Variants in CACNB2 observed in about 807,000 individuals in gnomAD.
The protein encoded by CACNB2 is calcium voltage-gated channel auxiliary subunit beta 2, also known as voltage-dependent L-type calcium channel subunit beta-2.
In CACNB2, 42 loss-of-function variants were observed where a neutral mutation model predicts 73.3. The ratio of observed to expected loss-of-function variants is 0.57; its 90% confidence interval spans 0.45 to 0.74. CACNB2 has a LOEUF of 0.74. Ranked by LOEUF, CACNB2 falls within the 30% of genes least tolerant of loss-of-function variation. The pLI is 0.00. For synonymous variants in CACNB2, 348 were observed against 310.3 expected, an observed-to-expected ratio of 1.12 and a Z score of -1.28; for missense variants, 940 against 853.0, an observed-to-expected ratio of 1.10 and a Z score of -1.27.
intron 3 of CACNB2, among the ~76,000 whole-genome samples, chr10:18,495,607 C>G (rs955452810): frequency 3.5e-5 from 5 of 143,156 alleles, no homozygotes; most frequent in African/African-American, 1.4e-4. Context: ...GAGATGAGGT[C>G]TCACTTTGTT....
intron 3 of CACNB2, among the ~76,000 whole-genome samples, chr10:18,415,223 G>C (rs1283125342): frequency 6.6e-6 from 1 of 152,128 alleles, no homozygotes; most frequent in African/African-American, 2.4e-5. Context: ...TCAGCACTTC[G>C]AGAGGCTGAG....
At chr10:18,229,141 T>A (rs80255463) in intron 2 of CACNB2, among the ~76,000 whole-genome samples, 12,139 of 152,288 alleles carry the variant, frequency 0.08, 501 homozygotes, top group East Asian at 0.092. Context: ...TTTGGTCATG[T>A]AAGTAATGAT....
At chr10:18,473,323 T>G (rs1330897826) in intron 3 of CACNB2, among the ~76,000 whole-genome samples, 1 of 152,232 alleles carries the variant, frequency 6.6e-6, no homozygotes. Context: ...TATGAATTGA[T>G]AAATACACAG....
intron 2 of CACNB2, among the ~76,000 whole-genome samples, chr10:18,269,431 A>G (rs2037952424): frequency 6.6e-6 from 1 of 152,176 alleles, no homozygotes; most frequent in South Asian, 2.1e-4. Context: ...ATGTCTTGCC[A>G]TATTGCTATT....
chr10:18,486,079 A>G (rs1303240001), intron 3 of CACNB2, among the ~76,000 whole-genome samples: 1 of 152,222 alleles, frequency 6.6e-6, no homozygotes, highest in Non-Finnish European at 1.5e-5. Context: ...GCTATTTAGC[A>G]TAGTAAAATT....
chr10:18,479,053 G>A (rs111716924), intron 3 of CACNB2, among the ~76,000 whole-genome samples: 12 of 151,854 alleles, frequency 7.9e-5, no homozygotes, highest in African/African-American at 2.4e-4. Flanking sequence ...GTGAGACCCC[G>A]TATCTAATTA....
rs899840596 is a variant in CACNB2 at position 18,404,596 on chromosome 10, C to T, written c.333+2553C>T. 2.6e-5 allele frequency among the ~76,000 whole-genome samples: 4 copies of T among 152,296 alleles called. No individual in the cohort carries two copies. The East Asian group carries it at 7.7e-4, about 29-fold the overall frequency. On this transcript the variant is annotated intron_variant, in intron 3 of 13. Transcript: ENST00000324631. ...GCATCTCTCAAACAGAAAGACTCTA[C>T]AAGTCAGTGCTTTTACTCACCTTAC...
chr10:18,431,223 C>T (rs913439154), intron 3 of CACNB2, among the ~76,000 whole-genome samples: 2 of 152,118 alleles, frequency 1.3e-5, no homozygotes, highest in African/African-American at 2.4e-5. Context: ...GCAAGTGATC[C>T]TCCTGCCATG....
At chr10:18,457,983 G>A (rs1281106372) in intron 3 of CACNB2, among the ~76,000 whole-genome samples, 5 of 152,114 alleles carry the variant, frequency 3.3e-5, no homozygotes, top group African/African-American at 9.7e-5. Flanking sequence ...TCTCAACACA[G>A]CTAATTGTTT....
chr10:18,527,952 G>A (rs1042316761), intron 10 of CACNB2, among the ~76,000 whole-genome samples: 2 of 152,100 alleles, frequency 1.3e-5, no homozygotes, highest in African/African-American at 2.4e-5. Flanking sequence ...CATGAGCTTT[G>A]GTGTCTGCAG....
intron 2 of CACNB2, among the ~76,000 whole-genome samples, chr10:18,232,993 G>A (rs1012240836): frequency 2.0e-5 from 3 of 152,140 alleles, no homozygotes; most frequent in East Asian, 3.9e-4. Context: ...AGGCTGAAGC[G>A]GGAGGATCTC....
At chr10:18,307,707 C>T (rs1400162869) in intron 2 of CACNB2, among the ~76,000 whole-genome samples, 1 of 152,022 alleles carries the variant, frequency 6.6e-6, no homozygotes, top group Non-Finnish European at 1.5e-5. Context: ...ATGCCACAGA[C>T]TTAAAAAGAT....
intron 9 of CACNB2, among the ~76,000 whole-genome samples, chr10:18,523,983 C>T (rs1390147247): frequency 1.3e-5 from 2 of 152,172 alleles, no homozygotes; most frequent in Admixed American, 1.3e-4. Flanking sequence ...GTCAGAATCA[C>T]ATTCTGGTTA....
In CACNB2 at chr10:18,518,407, G is replaced by C. The variant is rs1421205191; in HGVS notation, c.876G>C (p.Lys292Asn). The change falls in exon 8 of 14, where the codon AAG (lysine) becomes AAC (asparagine). Residue 292 changes from lysine to asparagine, a missense_variant. By Grantham distance (94) the Lys-to-Asn change is moderately conservative. Coordinates refer to ENST00000324631, the MANE Select transcript of CACNB2 (RefSeq NM_201596.3). ...TGGTCCTAGTGGGCCCTTCTCTGAA[G>C]GGCTACGAGGTGGGTAGCAGCCTTC... ...RPVVLVGPSLKGYEVTDMMQK... is the reference protein window; with the variant it reads ...RPVVLVGPSLNGYEVTDMMQK... 1 of 1,608,270 alleles carries C rather than the reference G, an allele frequency of 6.2e-7. No individual in the cohort carries two copies.
At chr10:18,378,691 G>C (rs751227360) in intron 2 of CACNB2, among the ~76,000 whole-genome samples, 3 of 152,114 alleles carry the variant, frequency 2.0e-5, no homozygotes, top group Non-Finnish European at 4.4e-5. Context: ...GCCAAGGCTG[G>C]AGTGAGCTAT....
At chr10:18,422,482 T>G (rs2045376745) in intron 3 of CACNB2, among the ~76,000 whole-genome samples, 1 of 152,186 alleles carries the variant, frequency 6.6e-6, no homozygotes. Context: ...GCCCAAAGGT[T>G]TAAGATTCCA....
At chr10:18,375,367 G>A (rs1233709645) in intron 2 of CACNB2, among the ~76,000 whole-genome samples, 6 of 152,064 alleles carry the variant, frequency 3.9e-5, no homozygotes, top group African/African-American at 1.4e-4. Flanking sequence ...GTGCTAATGG[G>A]GATGAAGTCT....
intron 2 of CACNB2, among the ~76,000 whole-genome samples, chr10:18,310,680 A>G (rs975696768): frequency 1.3e-5 from 2 of 148,486 alleles, no homozygotes; most frequent in Non-Finnish European, 3.0e-5. Flanking sequence ...ACTGGGTTCG[A>G]GCAATTCTCC....
chr10:18,140,868 G>T lies in CACNB2; in HGVS notation c.120+12G>T. 1 of 1,589,874 alleles carries T rather than the reference G, an allele frequency of 6.3e-7. No homozygotes were observed. The highest frequency in any genetic ancestry group is 1.3e-5 in the African/African-American group (1 of 74,854). On this transcript the variant is annotated intron_variant, in intron 1 of 13. Transcript: ENST00000324631. ...GAGCCGCCGCACAGGTAGCGAGAGC[G>T]CGGCGCCTTCTCCTTCCTTTGTGAG... is the stretch of plus-strand genomic sequence containing the variant.
Sources: gnomAD v4.1 joint callset for allele counts (sites outside exome capture counted in the v4.1 genomes callset) on GRCh38, gnomAD v4.1.1 for gene constraint, MANE v1.5 for transcripts, NCBI Gene and HGNC (gene_info 2026-07-23, HGNC 2026-07-21) for gene names.